HECW1: variants seen among roughly 807,000 people sequenced by gnomAD.
HECW1 encodes the protein HECT, C2 and WW domain containing E3 ubiquitin protein ligase 1, also known as E3 ubiquitin-protein ligase HECW1.
A neutral mutation model predicts 182.3 loss-of-function variants in HECW1; 61 were observed. The ratio of observed to expected loss-of-function variants is 0.33; its 90% CI spans 0.27 to 0.41. The LOEUF is 0.41. Among genes scored for constraint, HECW1 ranks in the 10% least tolerant of loss-of-function variants. HECW1 has a pLI of 1.00. For missense variants in HECW1, 1,739 were observed against 2,108.9 expected (o/e 0.82, Z 3.44); for synonymous variants, 859 against 832.6 (o/e 1.03, Z -0.55).
rs913034641 is a variant in HECW1, at chr7:43,243,381, T to C, written c.-31-494T>C. Among the ~76,000 whole-genome samples, 2 of 152,206 alleles carry C rather than the reference T, an allele frequency of 1.3e-5. No individual in the cohort carries two copies. The highest frequency in any genetic ancestry group is 2.9e-5 in the Non-Finnish European group (2 of 68,042). On this transcript the variant is annotated intron_variant, in intron 2 of 29. Coordinates refer to ENST00000395891, the MANE Select transcript of HECW1 (RefSeq NM_015052.5). This position sits in a 1 kb window ranked among gnomAD's most constrained non-coding sequence, Gnocchi z 4.0. ...GGAAGGGGATGGCACTTCTTGAGTC[T>C]TTCCCATCTGAGTAAATGCCTGAGG...
intron 16 of HECW1, among the ~76,000 whole-genome samples, chr7:43,470,395 C>T (rs1260133748): frequency 2.6e-5 from 4 of 152,072 alleles, no homozygotes; most frequent in African/African-American, 4.8e-5. Flanking sequence ...AACAGTTTGC[C>T]GAGCCTTGGA....
At position 43,239,553 on chromosome 7, in the gene HECW1, G is replaced by A. The variant is rs1410864293; in HGVS notation, c.-31-4322G>A. Among the ~76,000 whole-genome samples the A allele has an allele frequency of 3.3e-5, 5 of 152,308 alleles. No homozygotes were observed. The East Asian group carries it at 9.7e-4, about 29-fold the overall frequency. ...GAGGGGTTTGGGGTCACTGAAATAG[G>A]AATTGTATGTCTTTAAATATCTCTA... On this transcript the variant is annotated intron_variant, in intron 2 of 29. Coordinates refer to ENST00000395891, the MANE Select transcript of HECW1 (RefSeq NM_015052.5).
intron 3 of HECW1, among the ~76,000 whole-genome samples, chr7:43,282,014 A>G (rs944471749): frequency 6.6e-6 from 1 of 152,094 alleles, no homozygotes; most frequent in Non-Finnish European, 1.5e-5. Context: ...TCCAGCTGTC[A>G]TAGAGCAATG....
intron 24 of HECW1, among the ~76,000 whole-genome samples, chr7:43,528,844 G>A (rs2080867329): frequency 6.6e-6 from 1 of 152,186 alleles, no homozygotes; most frequent in East Asian, 1.9e-4. Flanking sequence ...GGCAGATGAA[G>A]AAAACTTCAA....
chr7:43,560,209 A>C (rs564452683), intron 29 of HECW1, among the ~76,000 whole-genome samples: 1 of 152,278 alleles, frequency 6.6e-6, no homozygotes, highest in Non-Finnish European at 1.5e-5. Flanking sequence ...TTTAACATAG[A>C]GAGAAATCAC....
chr7:43,298,493 C>T (rs1050268165), intron 3 of HECW1, among the ~76,000 whole-genome samples: 8 of 152,152 alleles, frequency 5.3e-5, no homozygotes, highest in East Asian at 1.9e-4. Flanking sequence ...TGCCAGCCTC[C>T]GACTGGGGAT....
intron 11 of HECW1, among the ~76,000 whole-genome samples, chr7:43,450,033 T>C (rs965985978): frequency 1.5e-4 from 23 of 152,252 alleles, no homozygotes; most frequent in Non-Finnish European, 3.2e-4. Flanking sequence ...CCTGTGGATA[T>C]AATGTTTATT....
At chr7:43,120,005 C>T (rs1785426560) in intron 2 of HECW1, among the ~76,000 whole-genome samples, 1 of 152,178 alleles carries the variant, frequency 6.6e-6, no homozygotes, top group South Asian at 2.1e-4. Flanking sequence ...ACAAATACTG[C>T]CTAGACATCT....
chr7:43,277,513 A>G (rs1803309050), intron 3 of HECW1, among the ~76,000 whole-genome samples: 1 of 152,128 alleles, frequency 6.6e-6, no homozygotes, highest in Non-Finnish European at 1.5e-5. Context: ...AGAACCCATG[A>G]CTGTATTCTC....
intron 4 of HECW1, among the ~76,000 whole-genome samples, chr7:43,312,903 T>C (rs1032795593): frequency 1.3e-5 from 2 of 152,128 alleles, no homozygotes; most frequent in African/African-American, 4.8e-5. Context: ...GCCACAAGAG[T>C]CAACAGATTC....
chr7:43,450,137 T>G (rs1392519933), intron 11 of HECW1, among the ~76,000 whole-genome samples: 1 of 152,186 alleles, frequency 6.6e-6, no homozygotes, highest in African/African-American at 2.4e-5. Flanking sequence ...TTTTATCTAC[T>G]TCCTTTGTCT....
intron 2 of HECW1, among the ~76,000 whole-genome samples, chr7:43,225,429 A>G (rs1293993623): frequency 6.6e-6 from 1 of 152,188 alleles, no homozygotes; most frequent in Non-Finnish European, 1.5e-5. Flanking sequence ...GAAACCACTC[A>G]TATGTATAAC....
rs74792109 is a variant in HECW1 at position 43,474,970 on chromosome 7, C to T, written c.3100-4640C>T. On this transcript the variant is annotated intron_variant, in intron 16 of 29. Coordinates refer to ENST00000395891, the MANE Select transcript of HECW1 (RefSeq NM_015052.5). ...AAAGTAGATCAGAGGTTCCCAGGGG[C>T]TTCAAGGAGTAGAAAATGAGGAGTT... 8.3e-3 allele frequency among the ~76,000 whole-genome samples: 1,266 copies of T among 152,196 alleles called. 11 individuals are homozygous for T. Among genetic ancestry groups the T allele is most frequent in the East Asian group, 0.032 (165 of 5,174 alleles).
chr7:43,184,014 A>ATT (rs1176334729), intron 2 of HECW1, among the ~76,000 whole-genome samples: 1 of 151,032 alleles, frequency 6.6e-6, no homozygotes, highest in African/African-American at 2.4e-5. Context: ...TTTTATTATT[A>ATT]TTATTATTTT....
intron 3 of HECW1, among the ~76,000 whole-genome samples, chr7:43,301,456 C>T (rs1272214847): frequency 6.6e-6 from 1 of 152,208 alleles, no homozygotes; most frequent in Non-Finnish European, 1.5e-5. Flanking sequence ...ATGTCTGCCT[C>T]CTGCACCAAA....
chr7:43,528,658 C>T (rs912337374), intron 24 of HECW1, among the ~76,000 whole-genome samples: 1 of 152,206 alleles, frequency 6.6e-6, no homozygotes, highest in Non-Finnish European at 1.5e-5. Context: ...ACACCGCACA[C>T]TTGGCCCACC....
At chr7:43,556,467 G>A (rs1585296051) in intron 29 of HECW1, among the ~76,000 whole-genome samples, 1 of 152,166 alleles carries the variant, frequency 6.6e-6, no homozygotes, top group Non-Finnish European at 1.5e-5. Context: ...CAGGCGGATA[G>A]CTTGCGCCCA....
At chr7:43,307,724 G>A (rs772703937) in intron 3 of HECW1, among the ~76,000 whole-genome samples, 52 of 151,768 alleles carry the variant, frequency 3.4e-4, no homozygotes, top group Non-Finnish European at 4.9e-4. Flanking sequence ...TGCATGTTGA[G>A]CAATCAGCTC....
intron 8 of HECW1, among the ~76,000 whole-genome samples, chr7:43,422,640 A>G (rs1414076853): frequency 6.6e-6 from 1 of 152,206 alleles, no homozygotes; most frequent in East Asian, 1.9e-4. Flanking sequence ...AAGTGCTGGG[A>G]TTACAAGCAT....
Sources: allele counts gnomAD v4.1 joint callset (sites outside exome capture counted in the v4.1 genomes callset), GRCh38; gene constraint gnomAD v4.1.1; non-coding constraint Gnocchi (gnomAD v3.1); transcripts MANE v1.5; gene names NCBI Gene and HGNC (gene_info 2026-07-23, HGNC 2026-07-21).